The following ANKFY1 variants were observed in gnomAD, a reference collection of about 807,000 sequenced individuals.
ANKFY1 encodes the protein ankyrin repeat and FYVE domain containing 1, also known as ankyrin repeat and FYVE domain-containing protein 1.
In ANKFY1, 47 loss-of-function variants were observed where a neutral mutation model predicts 128.3. That is an observed-to-expected ratio of 0.37 (90% CI 0.29 to 0.47). ANKFY1 has a LOEUF of 0.47. ANKFY1 is among the 20% of genes least tolerant of loss of function. The pLI is 1.00. For synonymous variants in ANKFY1, 553 were observed against 601.6 expected (o/e 0.92, Z 1.18); for missense variants, 1,222 against 1,510.6 (o/e 0.81, Z 3.17).
chr17:4,167,756 G>A lies in ANKFY1; in HGVS notation c.*23C>T. ...TGCTGGGGAGGTGACCAAGGACGTG[G>A]CCTGGACCCTCCGGGGGGCTCACTA... On this transcript the variant is annotated 3_prime_UTR_variant, in exon 25 of 25. Coordinates refer to ENST00000341657, the MANE Select transcript of ANKFY1 (RefSeq NM_001330063.2). The surrounding 1 kb of genome is among the most constrained non-coding windows in gnomAD (Gnocchi z 4.1). 1 of 1,607,734 alleles carries A rather than the reference G, an allele frequency of 6.2e-7. No individual in the cohort carries two copies. The highest frequency in any genetic ancestry group is 8.5e-7 in the Non-Finnish European group (1 of 1,176,244).
rs754785600 is a variant in ANKFY1 at position 4,169,429 on chromosome 17, C to T, written c.3287-141G>A. 78 of 640,132 alleles carry T rather than the reference C, an allele frequency of 1.2e-4. 1 individual carries two copies. Among genetic ancestry groups the T allele is most frequent in the Non-Finnish European group, 1.7e-4 (62 of 356,808 alleles). The allele number at this position is 640,132 out of a possible 1,614,324, so 39.7% of individuals were successfully genotyped here. A position where few individuals can be genotyped will look rare whatever the true frequency, so the allele number is the denominator to read the frequency against. ...ATAGGTGACGAAGGAGCGATAGGTT[C>T]TAAGTGGTTCAGGGCCAGCTTCCCA... On this transcript the variant is annotated intron_variant, in intron 23 of 24. Transcript: ENST00000341657. The surrounding 1 kb of genome is among the most constrained non-coding windows in gnomAD (Gnocchi z 5.0).
intron 1 of ANKFY1, among the ~76,000 whole-genome samples, chr17:4,243,102 C>T (rs772845283): frequency 7.9e-5 from 12 of 152,016 alleles, no homozygotes; most frequent in Non-Finnish European, 1.6e-4. Context: ...GAGTCTTGCT[C>T]TGTCATGAGG....
intron 11 of ANKFY1, chr17:4,188,879 A>G (rs1567924476): frequency 6.6e-6 from 1 of 151,198 alleles, no homozygotes; most frequent in Non-Finnish European, 1.5e-5. Flanking sequence ...GAAAAAAAAA[A>G]AAAAAAAGAA....
intron 3 of ANKFY1, 42 bp downstream of exon 3, chr17:4,235,730 T>C: frequency 7.0e-7 from 1 of 1,436,004 alleles, no homozygotes; most frequent in Non-Finnish European, 9.8e-7. Flanking sequence ...CCAAGAGCCC[T>C]TCCGCTAGCA....
intron 2 of ANKFY1, among the ~76,000 whole-genome samples, chr17:4,236,321 T>C (rs922052718): frequency 4.6e-5 from 7 of 152,156 alleles, no homozygotes; most frequent in Non-Finnish European, 1.0e-4. Context: ...TGCTCCACAG[T>C]AACGCTCAAG....
intron 10 of ANKFY1, among the ~76,000 whole-genome samples, chr17:4,189,799 G>A (rs771392307): frequency 2.4e-4 from 36 of 152,304 alleles, no homozygotes; most frequent in Non-Finnish European, 4.7e-4. Context: ...GTAAGCCCAC[G>A]CCAGACAGTA....
intron 3 of ANKFY1, among the ~76,000 whole-genome samples, chr17:4,233,863 C>G (rs2060556616): frequency 1.3e-5 from 2 of 152,196 alleles, no homozygotes; most frequent in African/African-American, 4.8e-5. Flanking sequence ...AAAACAGTAC[C>G]TTCTCAACTG....
At chr17:4,261,706 G>A (rs1598166043) in intron 1 of ANKFY1, among the ~76,000 whole-genome samples, 1 of 152,210 alleles carries the variant, frequency 6.6e-6, no homozygotes, top group Non-Finnish European at 1.5e-5. Flanking sequence ...AAGCACAGCA[G>A]GTGCTCAGTA....
At chr17:4,254,335 G>T (rs1409561054) in intron 1 of ANKFY1, among the ~76,000 whole-genome samples, 2 of 144,254 alleles carry the variant, frequency 1.4e-5, no homozygotes, top group East Asian at 4.0e-4. Context: ...AAAAAAAAAG[G>T]AAGGCACAGA....
chr17:4,263,882 C>T, intron 1 of ANKFY1, 50 bp downstream of exon 1: 2 of 1,613,404 alleles, frequency 1.2e-6, no homozygotes, highest in Non-Finnish European at 1.7e-6. Context: ...CGGCCAGCAG[C>T]GCCCCCACAG....
chr17:4,242,074 G>A (rs1967261605), intron 2 of ANKFY1, among the ~76,000 whole-genome samples, 182 bp downstream of exon 2: 1 of 125,840 alleles, frequency 7.9e-6, no homozygotes, highest in Non-Finnish European at 1.7e-5. Context: ...GGGTAACAGA[G>A]CAGGACTCCA....
chr17:4,223,582 T>C, intron 3 of ANKFY1: 4 of 1,257,292 alleles, frequency 3.2e-6, no homozygotes, highest in Non-Finnish European at 4.7e-6. Flanking sequence ...TAGTGATGTG[T>C]GGGGCCTTTG....
At position 4,183,341 on chromosome 17, in the gene ANKFY1, T is replaced by C. The variant is rs2059549433; in HGVS notation, c.1952+57A>G. The C allele has an allele frequency of 2.5e-6, 4 of 1,584,594 alleles. No homozygotes were observed. In the East Asian group the frequency reaches 6.8e-5, roughly 27 times the overall value. On this transcript the variant is annotated intron_variant, in intron 14 of 24. Transcript: ENST00000341657. ...CTTTTCTACAAGCGAGGCTATGCTT[T>C]TGACATCTCAATTAATTGTTACCTG...
At chr17:4,203,769 C>T (rs994040846) in intron 7 of ANKFY1, among the ~76,000 whole-genome samples, 6 of 141,946 alleles carry the variant, frequency 4.2e-5, no homozygotes, top group East Asian at 4.2e-4. Flanking sequence ...GAGCCGAGAC[C>T]GAGCCATTGC....
At chr17:4,222,431 A>G (rs1324385410) in intron 3 of ANKFY1, 1 of 802,960 alleles carries the variant, frequency 1.2e-6, no homozygotes, top group Non-Finnish European at 2.3e-6. Flanking sequence ...TCGAAGTCCA[A>G]GGTTGAATGT....
intron 3 of ANKFY1, among the ~76,000 whole-genome samples, chr17:4,226,213 C>A (rs2060421881): frequency 6.6e-6 from 1 of 152,162 alleles, no homozygotes; most frequent in African/African-American, 2.4e-5. Context: ...GATGTTACCA[C>A]TCTCCTTTAA....
intron 1 of ANKFY1, among the ~76,000 whole-genome samples, chr17:4,262,241 A>G (rs1968457846): frequency 6.6e-6 from 1 of 151,806 alleles, no homozygotes; most frequent in Non-Finnish European, 1.5e-5. Context: ...GATTCAAATG[A>G]TCCTCCCACC....
chr17:4,234,089 G>A (rs992103161), intron 3 of ANKFY1, among the ~76,000 whole-genome samples: 10 of 150,008 alleles, frequency 6.7e-5, no homozygotes, highest in African/African-American at 2.5e-4. Context: ...GTAACATGCT[G>A]TACATGCTGT....
chr17:4,185,738 T>C (rs2059599523), intron 11 of ANKFY1, among the ~76,000 whole-genome samples: 1 of 34,686 alleles, frequency 2.9e-5, no homozygotes. Context: ...TGTTTTATAA[T>C]TCTTTTTTTT....
Sources: allele counts gnomAD v4.1 joint callset (sites outside exome capture counted in the v4.1 genomes callset), GRCh38; gene constraint gnomAD v4.1.1; non-coding constraint Gnocchi (gnomAD v3.1); transcripts MANE v1.5; gene names NCBI Gene and HGNC (gene_info 2026-07-23, HGNC 2026-07-21).